CACNA2D1: variants seen among roughly 807,000 people sequenced by gnomAD.
CACNA2D1 encodes the protein calcium voltage-gated channel auxiliary subunit alpha2delta 1, also known as voltage-dependent calcium channel subunit alpha-2/delta-1.
CACNA2D1 carries 53 observed loss-of-function variants against 171.5 expected under a neutral mutation model. That is an observed-to-expected ratio of 0.31 (90% CI 0.25 to 0.39). CACNA2D1 has a LOEUF of 0.39. Among genes scored for constraint, CACNA2D1 ranks in the 10% least tolerant of loss-of-function variants. The probability of loss-of-function intolerance (pLI) is 1.00; values close to 1 mark genes in which losing one functional copy is unlikely to be tolerated. For missense variants in CACNA2D1, 903 were observed against 1,299.8 expected (o/e 0.69, Z 4.69); for synonymous variants, 442 against 443.1 (o/e 1.00, Z 0.03).
intron 3 of CACNA2D1, among the ~76,000 whole-genome samples, chr7:82,235,989 C>T (rs1465714542): frequency 2.6e-5 from 4 of 152,024 alleles, no homozygotes; most frequent in Admixed American, 6.6e-5. Context: ...TGCCCATGAA[C>T]TGTGGAAGAG....
intron 38 of CACNA2D1, among the ~76,000 whole-genome samples, chr7:81,958,342 A>AATAACTCAAATAATTTATGAGAT (rs1793685203): frequency 6.6e-6 from 1 of 152,096 alleles, no homozygotes; most frequent in African/African-American, 2.4e-5. Flanking sequence ...AGGTAAACTA[A>AATAACTCAAATAATTTATGAGAT]ATAACTCAAA....
At chr7:82,301,080 G>C (rs1812939108) in intron 3 of CACNA2D1, among the ~76,000 whole-genome samples, 1 of 152,146 alleles carries the variant, frequency 6.6e-6, no homozygotes, top group African/African-American at 2.4e-5. Context: ...TGGTAAGAAT[G>C]TGAATGACTA....
chr7:82,364,760 C>T (rs73378113), intron 1 of CACNA2D1, among the ~76,000 whole-genome samples: 1,909 of 152,148 alleles, frequency 0.013, 49 homozygotes, highest in African/African-American at 0.044. Flanking sequence ...CAGGACTGTG[C>T]GAAAAGGTTT....
rs568545472 is a variant in CACNA2D1, at chr7:82,408,182, A to G, written c.95+35183T>C. On this transcript the variant is annotated intron_variant, in intron 1 of 38. Transcript: ENST00000356860. ...ATTACAGGCACCCACCACCATGCCC[A>G]GCTAATTTTTTTTTATTTTTAGTAG... is the stretch of plus-strand genomic sequence containing the variant. 9.9e-5 allele frequency among the ~76,000 whole-genome samples: 15 copies of G among 151,936 alleles called. 1 individual carries two copies. The South Asian group carries it at 1.5e-3, about 15-fold the overall frequency.
chr7:81,979,829 T>C (rs1461841988), intron 24 of CACNA2D1, among the ~76,000 whole-genome samples: 1 of 152,074 alleles, frequency 6.6e-6, no homozygotes. Context: ...GAATATTCTT[T>C]ATATATTTAC....
At chr7:82,022,222 AACACACACACACACACAC>A (rs71520795) in intron 12 of CACNA2D1, among the ~76,000 whole-genome samples, 3 of 145,786 alleles carry the variant, frequency 2.1e-5, no homozygotes, top group African/African-American at 7.5e-5. Flanking sequence ...CAGAGACAAG[AACACACACACACACACAC>A]ACACACACAC....
In CACNA2D1 at chr7:82,032,862, G is replaced by A. The variant is rs1802876912; in HGVS notation, c.1078C>T (p.Leu360=). 4 of 1,602,140 alleles carry A rather than the reference G, an allele frequency of 2.5e-6. No individual in the cohort carries two copies. The highest frequency in any genetic ancestry group is 3.4e-6 in the Non-Finnish European group (4 of 1,170,190). ...SRANCNKIIM[L]FTDGGEERAQ... ...CTCTCTTCTCCTCCATCCGTGAATA[G>A]CATAATAATCTTATTGCAGTTTGCT... The change falls in exon 12 of 39, where the codon CTA becomes TTA. Residue 360 remains leucine, a synonymous_variant. Coordinates refer to ENST00000356860, the MANE Select transcript of CACNA2D1 (RefSeq NM_000722.4).
At chr7:82,421,009 CA>C (rs1474924519) in intron 1 of CACNA2D1, among the ~76,000 whole-genome samples, 1 of 152,126 alleles carries the variant, frequency 6.6e-6, no homozygotes, top group Admixed American at 6.5e-5. Flanking sequence ...CAGGTATCTA[CA>C]ATTTTATTAA....
chr7:82,201,504 G>A (rs1799432101), intron 3 of CACNA2D1, among the ~76,000 whole-genome samples: 3 of 152,214 alleles, frequency 2.0e-5, no homozygotes, highest in African/African-American at 7.2e-5. Flanking sequence ...TATCAAAAAC[G>A]ACACTAAGTG....
At chr7:82,109,619 G>A (rs1213439909) in intron 6 of CACNA2D1, among the ~76,000 whole-genome samples, 1 of 152,072 alleles carries the variant, frequency 6.6e-6, no homozygotes, top group Non-Finnish European at 1.5e-5. Context: ...AATATTTTTT[G>A]GAATTATTTG....
chr7:82,167,175 C>T (rs369538519), intron 4 of CACNA2D1, among the ~76,000 whole-genome samples: 34 of 151,940 alleles, frequency 2.2e-4, no homozygotes, highest in African/African-American at 8.2e-4. Flanking sequence ...TTGTTAAATA[C>T]CTTAAAAGAT....
At chr7:82,421,083 T>C (rs1228204143) in intron 1 of CACNA2D1, among the ~76,000 whole-genome samples, 1 of 152,210 alleles carries the variant, frequency 6.6e-6, no homozygotes, top group Non-Finnish European at 1.5e-5. Context: ...CTGACCATGC[T>C]CAGCTTATCA....
At chr7:82,248,458 T>C (rs1213780603) in intron 3 of CACNA2D1, among the ~76,000 whole-genome samples, 1 of 152,156 alleles carries the variant, frequency 6.6e-6, no homozygotes, top group South Asian at 2.1e-4. Context: ...TGTTTCATAG[T>C]CATTTAAAAG....
At chr7:82,079,384 C>T (rs1271149552) in intron 7 of CACNA2D1, among the ~76,000 whole-genome samples, 1 of 152,018 alleles carries the variant, frequency 6.6e-6, no homozygotes, top group Non-Finnish European at 1.5e-5. Context: ...AATATAATTA[C>T]TGTGGAATCT....
chr7:82,146,164 A>G (rs909577093), intron 4 of CACNA2D1, among the ~76,000 whole-genome samples: 1 of 151,684 alleles, frequency 6.6e-6, no homozygotes, highest in Non-Finnish European at 1.5e-5. Flanking sequence ...ACTATGTTTA[A>G]TAACCTAACT....
Position 82,078,284 on chromosome 7 carries a change from T to C in CACNA2D1, c.658+6485A>G, listed in dbSNP as rs142634676. Reference sequence around the variant, plus strand: ...TTCTCCCTTTTTTAATAAATACAACTAATTGTCTAAAAAAAAGAGTAAGTG... The same window carrying C: ...TTCTCCCTTTTTTAATAAATACAACCAATTGTCTAAAAAAAAGAGTAAGTG... On this transcript the variant is annotated intron_variant, in intron 7 of 38. Coordinates refer to ENST00000356860, the MANE Select transcript of CACNA2D1 (RefSeq NM_000722.4). 2.4e-3 allele frequency among the ~76,000 whole-genome samples: 361 copies of C among 152,184 alleles called. 1 individual carries two copies. The highest frequency in any genetic ancestry group is 3.4e-3 in the Non-Finnish European group (234 of 67,984).
rs549029772 is a variant in CACNA2D1 at position 81,967,088 on chromosome 7, T to C, written c.2502+81A>G. On this transcript the variant is annotated intron_variant, in intron 31 of 38. Coordinates refer to ENST00000356860, the MANE Select transcript of CACNA2D1 (RefSeq NM_000722.4). ...AGCCTTTGATTAAAAAATTCCTGCA[T>C]ATTTTTTCATCACTATAGTCTTAGC... 8.0e-6 allele frequency: 8 copies of C among 995,790 alleles called. No homozygotes were observed. In the East Asian group the frequency reaches 1.5e-4, roughly 19 times the overall value. 61.7% of individuals were successfully genotyped at this position (995,790 alleles called of 1,614,324 possible).
chr7:82,032,943 C>A, intron 11 of CACNA2D1, 42 bp from the exon 12 acceptor site: 1 of 1,066,148 alleles, frequency 9.4e-7, no homozygotes, highest in Non-Finnish European at 1.5e-6. Context: ...GCGTATTATT[C>A]ACAATAAAAG....
chr7:82,296,823 T>C (rs1431739910), intron 3 of CACNA2D1, among the ~76,000 whole-genome samples: 2 of 152,126 alleles, frequency 1.3e-5, no homozygotes, highest in Non-Finnish European at 2.9e-5. Context: ...ATTCAATAAA[T>C]AAGAATCTAT....
Sources: gnomAD v4.1 joint callset for allele counts (sites outside exome capture counted in the v4.1 genomes callset) on GRCh38, gnomAD v4.1.1 for gene constraint, MANE v1.5 for transcripts, NCBI Gene and HGNC (gene_info 2026-07-23, HGNC 2026-07-21) for gene names.